The following APBB2 variants were observed in gnomAD, a reference collection of about 807,000 sequenced individuals.
The protein encoded by APBB2 is Fe65-like 1.
In APBB2, 38 loss-of-function variants were observed where a neutral mutation model predicts 82.5. The observed-to-expected ratio is 0.46, with a 90% CI of 0.36 to 0.60. The LOEUF (loss-of-function observed/expected upper bound fraction) is 0.60. Among genes scored for constraint, APBB2 ranks in the 20% least tolerant of loss-of-function variants. APBB2 has a pLI of 0.00. For missense variants in APBB2, 772 were observed against 972.3 expected (o/e 0.79, Z 2.74); for synonymous variants, 341 against 368.2 (o/e 0.93, Z 0.85).
intron 10 of APBB2, among the ~76,000 whole-genome samples, chr4:40,904,932 G>T (rs73150529): frequency 1.3e-5 from 2 of 151,982 alleles, no homozygotes; most frequent in African/African-American, 4.8e-5. Flanking sequence ...CCCCCAGACT[G>T]TCTACAATAC....
intron 2 of APBB2, among the ~76,000 whole-genome samples, chr4:41,123,483 C>A (rs1043274837): frequency 1.3e-5 from 2 of 152,124 alleles, no homozygotes; most frequent in African/African-American, 4.8e-5. Flanking sequence ...GGATATTCCA[C>A]CCTGCATGTC....
intron 6 of APBB2, among the ~76,000 whole-genome samples, chr4:40,951,955 G>A (rs188949255): frequency 2.0e-5 from 3 of 152,188 alleles, no homozygotes; most frequent in East Asian, 3.9e-4. Flanking sequence ...AGAGGCCAAG[G>A]GGGGGTGGAT....
At chr4:41,084,731 A>T (rs1447251942) in intron 3 of APBB2, 1 of 152,224 alleles carries the variant, frequency 6.6e-6, no homozygotes, top group African/African-American at 2.4e-5. Context: ...ACACATACAT[A>T]TATCAAAGAA....
chr4:41,142,195 T>C (rs1265459982), intron 2 of APBB2, among the ~76,000 whole-genome samples: 1 of 152,210 alleles, frequency 6.6e-6, no homozygotes, highest in Non-Finnish European at 1.5e-5. Context: ...TAGCTGCTTA[T>C]GTAGAAAGCT....
At chr4:40,905,971 G>A (rs758966061) in intron 10 of APBB2, among the ~76,000 whole-genome samples, 3 of 152,162 alleles carry the variant, frequency 2.0e-5, no homozygotes, top group Non-Finnish European at 4.4e-5. Context: ...CCATGCTGGA[G>A]AGGGGGAGGG....
chr4:40,909,652 A>G (rs759290210), intron 10 of APBB2, among the ~76,000 whole-genome samples: 3 of 152,212 alleles, frequency 2.0e-5, no homozygotes, highest in African/African-American at 4.8e-5. Context: ...ATGTCATGGA[A>G]CAAATTAAGT....
At chr4:40,823,225 T>C (rs1468824389) in intron 16 of APBB2, among the ~76,000 whole-genome samples, 1 of 152,224 alleles carries the variant, frequency 6.6e-6, no homozygotes, top group Non-Finnish European at 1.5e-5. Context: ...CTGAGGCTAA[T>C]GTGGCCTCTT....
chr4:41,049,000 T>C (rs1268953917), intron 4 of APBB2, among the ~76,000 whole-genome samples: 1 of 152,066 alleles, frequency 6.6e-6, no homozygotes, highest in Non-Finnish European at 1.5e-5. Context: ...AGTGGCGTGA[T>C]CTCGGCTAGC....
chr4:41,091,381 C>A (rs1200819688), intron 3 of APBB2, among the ~76,000 whole-genome samples: 2 of 152,144 alleles, frequency 1.3e-5, no homozygotes, highest in African/African-American at 4.8e-5. Context: ...CGAAGTCACC[C>A]CCCGTTTATT....
intron 12 of APBB2, among the ~76,000 whole-genome samples, chr4:40,858,700 A>G (rs981853791): frequency 7.2e-5 from 11 of 152,202 alleles, no homozygotes; most frequent in Admixed American, 2.0e-4. Flanking sequence ...CATTTGTTCA[A>G]CATTTACTAA....
At chr4:41,084,867 A>C (rs1172568758) in intron 3 of APBB2, among the ~76,000 whole-genome samples, 1 of 152,200 alleles carries the variant, frequency 6.6e-6, no homozygotes, top group African/African-American at 2.4e-5. Flanking sequence ...GAGAAATTAA[A>C]GTAAGCCAAG....
chr4:40,971,193 A>G (rs1445258099), intron 6 of APBB2, among the ~76,000 whole-genome samples: 1 of 152,192 alleles, frequency 6.6e-6, no homozygotes, highest in East Asian at 1.9e-4. Flanking sequence ...TATTAACACG[A>G]TTCTTTCTTA....
chr4:40,947,896 A>G (rs1465431768), intron 6 of APBB2, among the ~76,000 whole-genome samples: 1 of 152,216 alleles, frequency 6.6e-6, no homozygotes, highest in Admixed American at 6.5e-5. Context: ...GAAAGAAAGA[A>G]TAAATAAAGA....
At chr4:41,167,764 G>C (rs76212287) in intron 1 of APBB2, among the ~76,000 whole-genome samples, 6,372 of 152,194 alleles carry the variant, frequency 0.042, 151 homozygotes, top group Middle Eastern at 0.058. Context: ...CTAGTATGAG[G>C]CTCAAAGCTT....
chr4:41,033,111 A>C (rs1442849944), intron 5 of APBB2, 125 bp downstream of exon 5: 1 of 758,970 alleles, frequency 1.3e-6, no homozygotes, highest in Non-Finnish European at 2.2e-6. Context: ...ACATTAGTGA[A>C]GAACAATGAA....
intron 3 of APBB2, among the ~76,000 whole-genome samples, chr4:41,093,576 G>A (rs1336365106): frequency 1.3e-5 from 2 of 152,078 alleles, no homozygotes; most frequent in East Asian, 1.9e-4. Flanking sequence ...AAGAAGGGCC[G>A]GGCGCGGTGG....
Position 40,832,831 on chromosome 4 carries a change from G to GT in APBB2, c.1530-2255dup, listed in dbSNP as rs1752500121. Among the ~76,000 whole-genome samples, 1 of 152,178 alleles carries GT rather than the reference G, an allele frequency of 6.6e-6. No homozygotes were observed. The highest frequency in any genetic ancestry group is 2.4e-5 in the African/African-American group (1 of 41,446). On this transcript the variant is annotated intron_variant, in intron 12 of 17. Coordinates refer to ENST00000508593, the MANE Select transcript of APBB2 (RefSeq NM_004307.2). This position sits in a 1 kb window ranked among gnomAD's most constrained non-coding sequence, Gnocchi z 4.8. ...TCCCAGCGTCTAGTTCAGGCCTGGC[G>GT]TATCACCGGTACTAATACATGTTTG... is the stretch of plus-strand genomic sequence containing the variant.
chr4:40,874,243 CTA>C (rs963231627), intron 12 of APBB2, among the ~76,000 whole-genome samples: 94 of 152,302 alleles, frequency 6.2e-4, no homozygotes, highest in Non-Finnish European at 1.3e-4. Context: ...ACATGATAAA[CTA>C]TACTATTTTC....
intron 1 of APBB2, among the ~76,000 whole-genome samples, chr4:41,179,472 GT>G (rs1283452036): frequency 6.6e-6 from 1 of 152,104 alleles, no homozygotes; most frequent in Non-Finnish European, 1.5e-5. Flanking sequence ...TACTAAAATA[GT>G]TTTTATCTAT....
Sources: allele counts gnomAD v4.1 joint callset (sites outside exome capture counted in the v4.1 genomes callset), GRCh38; gene constraint gnomAD v4.1.1; non-coding constraint Gnocchi (gnomAD v3.1); transcripts MANE v1.5; gene names NCBI Gene and HGNC (gene_info 2026-07-23, HGNC 2026-07-21).